ST3GAL4: variants seen among roughly 807,000 people sequenced by gnomAD.
ST3GAL4 encodes CMP-N-acetylneuraminate-beta-galactosamide-alpha-2,3-sialyltransferase 4.
A neutral mutation model predicts 42.6 loss-of-function variants in ST3GAL4; 24 were observed. The observed-to-expected ratio is 0.56, with a 90% CI of 0.41 to 0.79. ST3GAL4 has a LOEUF of 0.79. Among genes scored for constraint, ST3GAL4 ranks in the 30% least tolerant of loss-of-function variants. ST3GAL4 has a pLI of 0.00. For synonymous variants in ST3GAL4, 135 were observed against 163.2 expected, an observed-to-expected ratio of 0.83 and a Z score of 1.32; for missense variants, 311 against 430.8, an observed-to-expected ratio of 0.72 and a Z score of 2.46.
intron 1 of ST3GAL4, among the ~76,000 whole-genome samples, chr11:126,401,360 G>C (rs910940398): frequency 6.6e-6 from 1 of 151,888 alleles, no homozygotes; most frequent in African/African-American, 2.4e-5. Flanking sequence ...TTGAGGTCAG[G>C]AGTTTGAAAC....
intron 1 of ST3GAL4, among the ~76,000 whole-genome samples, chr11:126,403,719 G>A (rs966439978): frequency 1.1e-4 from 16 of 152,178 alleles, no homozygotes; most frequent in African/African-American, 3.1e-4. Context: ...GCTGCAGTTC[G>A]TAAGGTCCTG....
chr11:126,362,944 C>G lies in ST3GAL4; in HGVS notation c.-61+7102C>G, dbSNP rs117826149. Reference sequence around the variant, plus strand: ...ACCTCTCTCCCCACAGGCAGGGAGCCGGTAATTGGGCTGAGCCTCAGGAGT... The same window carrying G: ...ACCTCTCTCCCCACAGGCAGGGAGCGGGTAATTGGGCTGAGCCTCAGGAGT... On this transcript the variant is annotated intron_variant, in intron 1 of 10. Transcript: ENST00000444328. Among the ~76,000 whole-genome samples, 181 of 152,270 alleles carry G rather than the reference C, an allele frequency of 1.2e-3. No homozygotes were observed. In the East Asian group the frequency reaches 0.012, roughly 10 times the overall value.
At position 126,411,849 on chromosome 11, in the gene ST3GAL4, AC is replaced by A. The variant is rs1029947950; in HGVS notation, c.772-1653del. ...TCTGACCTCCGTTTCTGATCTTGAC[AC>A]CCGGATTTAAAGGTTCAGGTAATTA... On this transcript the variant is annotated intron_variant, in intron 9 of 10. Transcript: ENST00000444328. This position sits in a 1 kb window ranked among gnomAD's most constrained non-coding sequence, Gnocchi z 6.3. Among the ~76,000 whole-genome samples the A allele has an allele frequency of 1.3e-4, 20 of 151,934 alleles. No individual in the cohort carries two copies. The highest frequency in any genetic ancestry group is 4.6e-4 in the African/African-American group (19 of 41,430).
At chr11:126,405,928 G>A in intron 1 of ST3GAL4, 168 bp from the exon 2 acceptor site, 3 of 803,294 alleles carry the variant, frequency 3.7e-6, no homozygotes, top group South Asian at 1.7e-5. Context: ...CCTTGGAGGA[G>A]TTAGGAGGAT....
chr11:126,406,623 A>T lies in ST3GAL4; in HGVS notation c.101+66A>T. 6.5e-7 allele frequency: 1 copy of T among 1,543,796 alleles called. No homozygotes were observed. Among genetic ancestry groups the T allele is most frequent in the South Asian group, 1.1e-5 (1 of 89,902 alleles). ...GGACAGGGCTTAGGGATGGAGCATC[A>T]TGGAGCGGGGGACCTAGTAGGGCAG... On this transcript the variant is annotated intron_variant, in intron 3 of 10. Coordinates refer to ENST00000444328, the MANE Select transcript of ST3GAL4 (RefSeq NM_001254757.2). The surrounding 1 kb of genome is among the most constrained non-coding windows in gnomAD (Gnocchi z 5.4).
rs1488117736 is a variant in ST3GAL4 at position 126,373,887 on chromosome 11, A to G, written c.-61+18045A>G. On this transcript the variant is annotated intron_variant, in intron 1 of 10. Coordinates refer to ENST00000444328, the MANE Select transcript of ST3GAL4 (RefSeq NM_001254757.2). This position sits in a 1 kb window ranked among gnomAD's most constrained non-coding sequence, Gnocchi z 5.5. The stretch of plus-strand genomic sequence containing the variant: ...GTGAGGCTGCAGCGTCCAGCCAGGG[A>G]CTGTGCCGCAGGGGCCAGAAGATAT... Among the ~76,000 whole-genome samples, 9 of 152,060 alleles carry G rather than the reference A, an allele frequency of 5.9e-5. No individual in the cohort carries two copies. Among genetic ancestry groups the G allele is most frequent in the Admixed American group, 1.3e-4 (2 of 15,266 alleles).
rs1952736001 is a variant in ST3GAL4, at chr11:126,373,711, G to T, written c.-61+17869G>T. Among the ~76,000 whole-genome samples the T allele has an allele frequency of 6.6e-6, 1 of 152,090 alleles. No individual in the cohort carries two copies. Among genetic ancestry groups the T allele is most frequent in the Admixed American group, 6.5e-5 (1 of 15,270 alleles). ...CCTGTCTGGCTCCTTTCCCTCAAAGGTCAGACAGCTTGAGAGATGTTTCCA... is the reference window on the plus strand; with the variant it reads ...CCTGTCTGGCTCCTTTCCCTCAAAGTTCAGACAGCTTGAGAGATGTTTCCA... On this transcript the variant is annotated intron_variant, in intron 1 of 10. Transcript: ENST00000444328. The surrounding 1 kb of genome is among the most constrained non-coding windows in gnomAD (Gnocchi z 5.5).
At position 126,398,190 on chromosome 11, in the gene ST3GAL4, G is replaced by A. The variant is rs1436891147; in HGVS notation, c.-60-7906G>A. On this transcript the variant is annotated intron_variant, in intron 1 of 10. Transcript: ENST00000444328. This position sits in a 1 kb window ranked among gnomAD's most constrained non-coding sequence, Gnocchi z 4.7. Reference sequence around the variant, plus strand: ...TCAAATTCCCCTCCAGTCATGGGCTGTGAAATCAAGCAAGTTGTCTGCTTC... The same window carrying A: ...TCAAATTCCCCTCCAGTCATGGGCTATGAAATCAAGCAAGTTGTCTGCTTC... 6.6e-6 allele frequency among the ~76,000 whole-genome samples: 1 copy of A among 152,244 alleles called. No homozygotes were observed. The highest frequency in any genetic ancestry group is 1.5e-5 in the Non-Finnish European group (1 of 68,048).
Position 126,384,659 on chromosome 11 carries a change from C to G in ST3GAL4, c.-60-21437C>G. The G allele has an allele frequency of 1.0e-6, 1 of 984,722 alleles. No homozygotes were observed. Among genetic ancestry groups the G allele is most frequent in the South Asian group, 4.7e-5 (1 of 21,268 alleles). The allele number at this position is 984,722 out of a possible 1,614,324, so 61.0% of individuals were successfully genotyped here. A position where few individuals can be genotyped will look rare whatever the true frequency, so the allele number is the denominator to read the frequency against. Reference sequence around the variant, plus strand: ...CCAGGATGTGCTACACCCAGACAGACAGATGGAGAGCCACCTCCCTAGGGG... The same window carrying G: ...CCAGGATGTGCTACACCCAGACAGAGAGATGGAGAGCCACCTCCCTAGGGG... On this transcript the variant is annotated intron_variant, in intron 1 of 10. Coordinates refer to ENST00000444328, the MANE Select transcript of ST3GAL4 (RefSeq NM_001254757.2). This position sits in a 1 kb window ranked among gnomAD's most constrained non-coding sequence, Gnocchi z 5.5.
At chr11:126,374,268 A>G (rs1952753894) in intron 1 of ST3GAL4, among the ~76,000 whole-genome samples, 1 of 151,886 alleles carries the variant, frequency 6.6e-6, no homozygotes, top group African/African-American at 2.4e-5. Flanking sequence ...CCTGGACAAC[A>G]TGGGGAAACC....
intron 1 of ST3GAL4, among the ~76,000 whole-genome samples, chr11:126,377,735 C>A (rs914304663): frequency 6.6e-6 from 1 of 152,192 alleles, no homozygotes; most frequent in Non-Finnish European, 1.5e-5. Flanking sequence ...CTCAGCCTCC[C>A]AAAGTGCTGG....
chr11:126,365,448 C>T (rs1401040495), intron 1 of ST3GAL4, among the ~76,000 whole-genome samples: 1 of 152,188 alleles, frequency 6.6e-6, no homozygotes, highest in African/African-American at 2.4e-5. Context: ...GGCATGACCC[C>T]TGGCATCGCC....
rs2135572092 is a variant in ST3GAL4, at chr11:126,413,452, G to A, written c.772-53G>A. On this transcript the variant is annotated intron_variant, in intron 9 of 10. Coordinates refer to ENST00000444328, the MANE Select transcript of ST3GAL4 (RefSeq NM_001254757.2). Reference sequence around the variant, plus strand: ...TCCACTGCAGAGCGCTGGCAGAGATGATGGTGGGAGGAGCAGGGCTCCCAC... The same window carrying A: ...TCCACTGCAGAGCGCTGGCAGAGATAATGGTGGGAGGAGCAGGGCTCCCAC... 4.4e-6 allele frequency: 7 copies of A among 1,601,614 alleles called. 1 individual carries two copies. The South Asian group carries it at 6.7e-5, about 15-fold the overall frequency.
In ST3GAL4 at chr11:126,411,022, T is replaced by C. The variant is rs1005991431; in HGVS notation, c.771+1611T>C. On this transcript the variant is annotated intron_variant, in intron 9 of 10. Coordinates refer to ENST00000444328, the MANE Select transcript of ST3GAL4 (RefSeq NM_001254757.2). This position sits in a 1 kb window ranked among gnomAD's most constrained non-coding sequence, Gnocchi z 6.3. ...AGTGGCGTTGAAGGGCAACAAGGAG[T>C]TTCATGCCATTCATAGGATTACAGA... Among the ~76,000 whole-genome samples the C allele has an allele frequency of 1.3e-5, 2 of 151,634 alleles. No homozygotes were observed. The highest frequency in any genetic ancestry group is 4.9e-5 in the African/African-American group (2 of 41,236).
At position 126,407,024 on chromosome 11, in the gene ST3GAL4, G is replaced by A; in HGVS notation, c.182+1G>A. The A allele has an allele frequency of 6.2e-7, 1 of 1,613,846 alleles. No homozygotes were observed. The highest frequency in any genetic ancestry group is 8.5e-7 in the Non-Finnish European group (1 of 1,179,742). ...GCAAGGCCTCTAAGCTCTTTGGCAA[G>A]TAAGTACTTAAGGATGAGGAGGGTA... On this transcript the variant is annotated splice_donor_variant, in intron 4 of 10. Coordinates refer to ENST00000444328, the MANE Select transcript of ST3GAL4 (RefSeq NM_001254757.2). LOFTEE classifies it high-confidence loss of function.
At position 126,360,722 on chromosome 11, in the gene ST3GAL4, G is replaced by A. The variant is rs190330638; in HGVS notation, c.-61+4880G>A. 5.9e-5 allele frequency among the ~76,000 whole-genome samples: 9 copies of A among 152,270 alleles called. No individual in the cohort carries two copies. In the East Asian group the frequency reaches 1.5e-3, roughly 26 times the overall value. Reference sequence around the variant, plus strand: ...CAGGCGTGAGCCACCGTGCCCAGCCGAGCGTGTCTGTCTTGTTCACTGGTG... The same window carrying A: ...CAGGCGTGAGCCACCGTGCCCAGCCAAGCGTGTCTGTCTTGTTCACTGGTG... On this transcript the variant is annotated intron_variant, in intron 1 of 10. Transcript: ENST00000444328.
intron 1 of ST3GAL4, among the ~76,000 whole-genome samples, chr11:126,374,718 C>T (rs1425087994): frequency 6.6e-6 from 1 of 152,082 alleles, no homozygotes; most frequent in African/African-American, 2.4e-5. Flanking sequence ...GACCCGGGCT[C>T]TCCCCGTAAG....
chr11:126,358,168 G>A (rs1381584443), intron 1 of ST3GAL4, among the ~76,000 whole-genome samples: 1 of 152,254 alleles, frequency 6.6e-6, no homozygotes, highest in African/African-American at 2.4e-5. Context: ...GACACCCCGA[G>A]CAAACAGCCC....
At chr11:126,401,480 G>T (rs1451600781) in intron 1 of ST3GAL4, among the ~76,000 whole-genome samples, 1 of 151,414 alleles carries the variant, frequency 6.6e-6, no homozygotes, top group Non-Finnish European at 1.5e-5. Flanking sequence ...AGAATCACTT[G>T]AACCTACAAG....
Sources: gnomAD v4.1 joint callset for allele counts (sites outside exome capture counted in the v4.1 genomes callset) on GRCh38, gnomAD v4.1.1 for gene constraint, Gnocchi (gnomAD v3.1) non-coding constraint, MANE v1.5 for transcripts, NCBI Gene and HGNC (gene_info 2026-07-23, HGNC 2026-07-21) for gene names.